THEMIS2: variants seen among roughly 807,000 people sequenced by gnomAD.
THEMIS2 encodes the protein thymocyte selection associated family member 2, also known as protein THEMIS2.
THEMIS2 carries 29 observed loss-of-function variants against 46.8 expected under a neutral mutation model. That is an observed-to-expected ratio of 0.62 (90% CI 0.46 to 0.84). The LOEUF (loss-of-function observed/expected upper bound fraction) is 0.84. Among genes scored for constraint, THEMIS2 ranks in the 40% least tolerant of loss-of-function variants. The pLI is 0.00. For missense variants in THEMIS2, 698 were observed against 834.7 expected, an observed-to-expected ratio of 0.84 and a Z score of 2.02; for synonymous variants, 335 against 349.1, an observed-to-expected ratio of 0.96 and a Z score of 0.45.
rs201846271 is a variant in THEMIS2 at position 27,882,998 on chromosome 1, G to A, written c.1674G>A (p.Gln558=). ...CCCCACCCAGGCCCCCTAAAAATCA[G>A]GGCCTCAGCAAGCAGAGGAGACACA... ...QAPPPRPPKN[Q]GLSKQRRHSS... The change falls in exon 4 of 6, where the codon CAG becomes CAA. Residue 558 remains glutamine, a synonymous_variant. Coordinates refer to ENST00000373921, the MANE Select transcript of THEMIS2 (RefSeq NM_001105556.3). The surrounding 1 kb of genome is among the most constrained non-coding windows in gnomAD (Gnocchi z 7.6). The A allele has an allele frequency of 2.0e-4, 316 of 1,613,330 alleles. No individual in the cohort carries two copies. The highest frequency in any genetic ancestry group is 5.3e-5 in the Non-Finnish European group (62 of 1,179,848).
Position 27,882,335 on chromosome 1 carries a change from C to T in THEMIS2, c.1011C>T (p.Leu337=). 6.3e-7 allele frequency: 1 copy of T among 1,585,402 alleles called. No homozygotes were observed. Among genetic ancestry groups the T allele is most frequent in the Non-Finnish European group, 8.6e-7 (1 of 1,163,354 alleles). The change falls in exon 4 of 6, where the codon CTC becomes CTT. Residue 337 remains leucine (L), a synonymous_variant. Transcript: ENST00000373921. The surrounding 1 kb of genome is among the most constrained non-coding windows in gnomAD (Gnocchi z 7.6). ...RPREFPTAYD[L]LGAFQPGRPL... ...GGGAGTTCCCCACGGCCTATGACCT[C>T]CTAGGTGCTTTCCAGCCAGGCCGGC... is the stretch of plus-strand genomic sequence containing the variant.
Position 27,886,077 on chromosome 1 carries a change from C to G in THEMIS2, c.*155C>G. 1.5e-6 allele frequency: 1 copy of G among 673,264 alleles called. No individual in the cohort carries two copies. The highest frequency in any genetic ancestry group is 2.6e-6 in the Non-Finnish European group (1 of 389,884). The allele number at this position is 673,264 out of a possible 1,614,324, so 41.7% of individuals were successfully genotyped here. A position where few individuals can be genotyped will look rare whatever the true frequency, so the allele number is the denominator to read the frequency against. ...GGAAACTGATTTGATGGACACTGCA[C>G]CAGCTTCCTTCAGGTTCTAGATTCT... On this transcript the variant is annotated 3_prime_UTR_variant, in exon 6 of 6. Transcript: ENST00000373921.
intron 2 of THEMIS2, among the ~76,000 whole-genome samples, chr1:27,877,446 C>A (rs564724056): frequency 6.6e-6 from 1 of 152,276 alleles, no homozygotes; most frequent in South Asian, 2.1e-4. Context: ...CTGCCTCAGC[C>A]TCCCGAGTAG....
rs2089768460 is a variant in THEMIS2, at chr1:27,886,159, TCA to T, written c.*238_*239del. On this transcript the variant is annotated 3_prime_UTR_variant, in exon 6 of 6. Transcript: ENST00000373921. ...CATCTCGCACGTGACTCCCTCAGCC[TCA>T]GAGCCTTGGGATGCAGAGCAGCTGG... is the stretch of plus-strand genomic sequence containing the variant. The T allele has an allele frequency of 1.9e-6, 1 of 539,516 alleles. No individual in the cohort carries two copies. Among genetic ancestry groups the T allele is most frequent in the African/African-American group, 1.9e-5 (1 of 52,448 alleles). 33.4% of individuals were successfully genotyped at this position (539,516 alleles called of 1,614,324 possible). A position where few individuals can be genotyped will look rare whatever the true frequency, so the allele number is the denominator to read the frequency against.
chr1:27,881,808 A>T (rs1355606973), intron 3 of THEMIS2, among the ~76,000 whole-genome samples, 163 bp from the exon 4 acceptor site: 1 of 151,878 alleles, frequency 6.6e-6, no homozygotes, highest in Non-Finnish European at 1.5e-5. Context: ...AGCCTGTGCG[A>T]CAAGGGCACT....
chr1:27,874,852 G>C (rs1408377257), intron 1 of THEMIS2, among the ~76,000 whole-genome samples: 1 of 152,036 alleles, frequency 6.6e-6, no homozygotes, highest in Admixed American at 6.6e-5. Context: ...TCCCACTTTA[G>C]CCTCCCAAAG....
chr1:27,880,497 T>C lies in THEMIS2; in HGVS notation c.646+443T>C, dbSNP rs530768951. On this transcript the variant is annotated intron_variant, in intron 3 of 5. Transcript: ENST00000373921. ...CACCGTTCCTGGCCAGTTATTCTTA[T>C]TGATGCTCAAATTATCTCGGCTACG... Among the ~76,000 whole-genome samples, 6 of 152,004 alleles carry C rather than the reference T, an allele frequency of 3.9e-5. No individual in the cohort carries two copies. In the South Asian group the frequency reaches 6.2e-4, roughly 16 times the overall value.
rs770401594 is a variant in THEMIS2 at position 27,882,744 on chromosome 1, G to T, written c.1420G>T (p.Gly474Cys). The change falls in exon 4 of 6, where the codon GGC becomes TGC. Residue 474 changes from glycine (G) to cysteine (C), a missense_variant. Transcript: ENST00000373921. The surrounding 1 kb of genome is among the most constrained non-coding windows in gnomAD (Gnocchi z 7.6). Reference sequence around the variant, plus strand: ...CACTGACCCTCTGACCTCCTTCCTGGGCCTGCGGCTGGAGGAGAAGATCAC... The same window carrying T: ...CACTGACCCTCTGACCTCCTTCCTGTGCCTGCGGCTGGAGGAGAAGATCAC... Reference protein sequence around the residue: ...HPTDPLTSFLGLRLEEKITEP... With the variant: ...HPTDPLTSFLCLRLEEKITEP... 6.2e-7 allele frequency: 1 copy of T among 1,613,888 alleles called. No homozygotes were observed. Among genetic ancestry groups the T allele is most frequent in the Non-Finnish European group, 8.5e-7 (1 of 1,179,982 alleles).
intron 3 of THEMIS2, among the ~76,000 whole-genome samples, chr1:27,881,726 G>A (rs953093296): frequency 9.9e-5 from 15 of 152,126 alleles, no homozygotes; most frequent in South Asian, 2.1e-4. Context: ...TACTCGGGAG[G>A]CTGAGGTGGA....
intron 2 of THEMIS2, among the ~76,000 whole-genome samples, chr1:27,879,100 G>A (rs2089634543): frequency 6.6e-6 from 1 of 152,124 alleles, no homozygotes; most frequent in Non-Finnish European, 1.5e-5. Flanking sequence ...GCCAGCTGCT[G>A]GCGGAATGGG....
chr1:27,882,717 C>A lies in THEMIS2; in HGVS notation c.1393C>A (p.Pro465Thr), dbSNP rs1301001899. 6.2e-7 allele frequency: 1 copy of A among 1,613,964 alleles called. No individual in the cohort carries two copies. The highest frequency in any genetic ancestry group is 8.5e-7 in the Non-Finnish European group (1 of 1,180,002). The change falls in exon 4 of 6, where the codon CCC becomes ACC. Residue 465 changes from proline to threonine, a missense_variant. By Grantham distance (38) the Pro-to-Thr change is conservative. Coordinates refer to ENST00000373921, the MANE Select transcript of THEMIS2 (RefSeq NM_001105556.3). This position sits in a 1 kb window ranked among gnomAD's most constrained non-coding sequence, Gnocchi z 7.6. ...GGTGGTGGCCAAGGACACCAGCCAC[C>A]CCACTGACCCTCTGACCTCCTTCCT... ...VKVVAKDTSHPTDPLTSFLGL... is the reference protein window; with the variant it reads ...VKVVAKDTSHTTDPLTSFLGL...
intron 2 of THEMIS2, 104 bp downstream of exon 2, chr1:27,876,832 G>C (rs1260150551): frequency 4.8e-6 from 7 of 1,443,778 alleles, no homozygotes; most frequent in Non-Finnish European, 5.6e-6. Flanking sequence ...CCTCCCCTCG[G>C]GGTTTGCTCC....
In THEMIS2 at chr1:27,886,089, A is replaced by G. The variant is rs956194403; in HGVS notation, c.*167A>G. ...GATGGACACTGCACCAGCTTCCTTC[A>G]GGTTCTAGATTCTTGCTACTTAGGG... On this transcript the variant is annotated 3_prime_UTR_variant, in exon 6 of 6. Transcript: ENST00000373921. The G allele has an allele frequency of 1.6e-6, 1 of 643,220 alleles. No individual in the cohort carries two copies. The highest frequency in any genetic ancestry group is 1.9e-5 in the South Asian group (1 of 51,684). 39.8% of individuals were successfully genotyped at this position (643,220 alleles called of 1,614,324 possible).
chr1:27,881,987 C>A lies in THEMIS2; in HGVS notation c.663C>A (p.Val221=). The part of the protein sequence containing the change: ...QAIMHMRRTI[V]KIPSTLEVDV... ...TCTCCACAGTGCGCAGGACCATTGT[C>A]AAGATCCCTTCTACCCTGGAGGTCG... Residue 221 remains valine, a synonymous_variant, in exon 4 of 6, where the codon GTC becomes GTA. Transcript: ENST00000373921. The A allele has an allele frequency of 6.2e-7, 1 of 1,613,086 alleles. No homozygotes were observed. The highest frequency in any genetic ancestry group is 1.1e-5 in the South Asian group (1 of 90,908).
chr1:27,876,189 C>T (rs1177309614), intron 1 of THEMIS2, among the ~76,000 whole-genome samples: 2 of 150,624 alleles, frequency 1.3e-5, no homozygotes, highest in Admixed American at 6.6e-5. Context: ...ATCCCAACTC[C>T]CTTAGTGTAC....
chr1:27,877,759 C>T (rs2089607563), intron 2 of THEMIS2, among the ~76,000 whole-genome samples: 1 of 152,178 alleles, frequency 6.6e-6, no homozygotes, highest in Non-Finnish European at 1.5e-5. Context: ...TCTGGGACCT[C>T]CCTGGGCCTC....
At chr1:27,883,325 C>T in intron 4 of THEMIS2, 1 of 427,768 alleles carries the variant, frequency 2.3e-6, no homozygotes, top group Non-Finnish European at 4.2e-6. Context: ...GACAGTCTAA[C>T]TCCAAGTTCA....
At position 27,872,903 on chromosome 1, in the gene THEMIS2, G is replaced by A. The variant is rs528708830; in HGVS notation, c.94+238G>A. On this transcript the variant is annotated intron_variant, in intron 1 of 5. Coordinates refer to ENST00000373921, the MANE Select transcript of THEMIS2 (RefSeq NM_001105556.3). This position sits in a 1 kb window ranked among gnomAD's most constrained non-coding sequence, Gnocchi z 4.9. ...TAGTGATGAAAAGTCAGTGGGTTGA[G>A]GCGCGGGAGGTGGATGCAGCCGGGC... is the stretch of plus-strand genomic sequence containing the variant. Among the ~76,000 whole-genome samples the A allele has an allele frequency of 6.6e-6, 1 of 152,324 alleles. No homozygotes were observed. Among genetic ancestry groups the A allele is most frequent in the East Asian group, 1.9e-4 (1 of 5,172 alleles).
rs892668424 is a variant in THEMIS2, at chr1:27,882,455, G to A, written c.1131G>A (p.Leu377=). ...SLAVGDRLEV[L]GPGQAHGAQG... ...CTGTGGGTGACCGGCTGGAGGTGCT[G>A]GGGCCTGGCCAGGCCCATGGGGCCC... Residue 377 remains leucine (L), a synonymous_variant, in exon 4 of 6, where the codon CTG becomes CTA. Transcript: ENST00000373921. The surrounding 1 kb of genome is among the most constrained non-coding windows in gnomAD (Gnocchi z 7.6). The A allele has an allele frequency of 1.2e-6, 2 of 1,612,634 alleles. No homozygotes were observed. Among genetic ancestry groups the A allele is most frequent in the Non-Finnish European group, 8.5e-7 (1 of 1,178,916 alleles).
Sources: gnomAD v4.1 joint callset for allele counts (sites outside exome capture counted in the v4.1 genomes callset) on GRCh38, gnomAD v4.1.1 for gene constraint, Gnocchi (gnomAD v3.1) non-coding constraint, MANE v1.5 for transcripts, NCBI Gene and HGNC (gene_info 2026-07-23, HGNC 2026-07-21) for gene names.